Variants in DROSHA observed in about 807,000 individuals in gnomAD.
DROSHA encodes the protein ribonuclease 3.
A neutral mutation model predicts 181.9 loss-of-function variants in DROSHA; 56 were observed. That is an observed-to-expected ratio of 0.31 (90% CI 0.25 to 0.38). The LOEUF is 0.38. DROSHA is among the 10% of genes least tolerant of loss of function. The pLI, the probability that DROSHA is intolerant of heterozygous loss-of-function variation, is 1.00. For synonymous variants in DROSHA, 524 were observed against 591.2 expected, an observed-to-expected ratio of 0.89 and a Z score of 1.65; for missense variants, 1,218 against 1,743.5, an observed-to-expected ratio of 0.70 and a Z score of 5.37.
At chr5:31,479,578 C>A (rs1750779575) in intron 16 of DROSHA, among the ~76,000 whole-genome samples, 1 of 151,888 alleles carries the variant, frequency 6.6e-6, no homozygotes, top group East Asian at 1.9e-4. Flanking sequence ...AAGCTCTAAT[C>A]ATAAAGGAAT....
chr5:31,498,902 G>C lies in DROSHA; in HGVS notation c.1669-3530C>G, dbSNP rs535380022. Among the ~76,000 whole-genome samples, 50 of 152,146 alleles carry C rather than the reference G, an allele frequency of 3.3e-4. 1 individual carries two copies. Among genetic ancestry groups the C allele is most frequent in the Middle Eastern group, 6.8e-3 (2 of 294 alleles). On this transcript the variant is annotated intron_variant, in intron 11 of 35. Coordinates refer to ENST00000344624, the MANE Select transcript of DROSHA (RefSeq NM_001382508.1). ...AAGGCAAACAAAGCCAGCACAAGAA[G>C]TGTGCTGTGACAGCATCAGTTGTGA... is the stretch of plus-strand genomic sequence containing the variant.
chr5:31,413,678 C>G (rs759649417), intron 30 of DROSHA, among the ~76,000 whole-genome samples: 1 of 152,230 alleles, frequency 6.6e-6, no homozygotes, highest in Non-Finnish European at 1.5e-5. Flanking sequence ...TGCAGACCGG[C>G]TGTTGCAATG....
chr5:31,428,510 C>G (rs1004732211), intron 27 of DROSHA, among the ~76,000 whole-genome samples: 3 of 152,190 alleles, frequency 2.0e-5, no homozygotes, highest in African/African-American at 7.2e-5. Flanking sequence ...CACAGAGCAT[C>G]TGTAGATAAT....
At chr5:31,516,503 T>C (rs189934927) in intron 6 of DROSHA, among the ~76,000 whole-genome samples, 92 of 152,314 alleles carry the variant, frequency 6.0e-4, no homozygotes, top group Non-Finnish European at 9.0e-4. Flanking sequence ...AGTCTGTATG[T>C]ATATATATGT....
intron 33 of DROSHA, among the ~76,000 whole-genome samples, chr5:31,408,240 G>C (rs763908222): frequency 3.3e-5 from 5 of 152,216 alleles, no homozygotes; most frequent in Non-Finnish European, 7.3e-5. Flanking sequence ...CACACACACA[G>C]ATGTGTGTGC....
chr5:31,493,831 G>A (rs914785105), intron 12 of DROSHA, among the ~76,000 whole-genome samples: 9 of 152,050 alleles, frequency 5.9e-5, no homozygotes, highest in African/African-American at 2.2e-4. Flanking sequence ...TCCCACACAA[G>A]TTCAAAGGCC....
chr5:31,498,328 G>A (rs1481798939), intron 11 of DROSHA, among the ~76,000 whole-genome samples: 1 of 152,036 alleles, frequency 6.6e-6, no homozygotes, highest in Non-Finnish European at 1.5e-5. Context: ...TCTAGATCTA[G>A]AATCCTATGA....
chr5:31,511,302 A>G (rs1738639094), intron 8 of DROSHA, 126 bp from the exon 9 acceptor site: 2 of 949,400 alleles, frequency 2.1e-6, no homozygotes, highest in Admixed American at 5.7e-5. Context: ...CCTAAATTTA[A>G]CAAACATTTA....
intron 23 of DROSHA, among the ~76,000 whole-genome samples, chr5:31,440,250 C>T (rs1194792793): frequency 2.0e-5 from 3 of 152,198 alleles, no homozygotes; most frequent in Admixed American, 2.0e-4. Flanking sequence ...ATCCCACCCT[C>T]ATTTCCATAA....
intron 20 of DROSHA, among the ~76,000 whole-genome samples, chr5:31,452,322 C>T (rs1403185106): frequency 3.3e-5 from 5 of 152,164 alleles, no homozygotes; most frequent in African/African-American, 4.8e-5. Context: ...CCAGATATGC[C>T]ACCCTAAGTT....
chr5:31,502,781 G>T (rs1687534509), intron 11 of DROSHA, among the ~76,000 whole-genome samples: 1 of 152,224 alleles, frequency 6.6e-6, no homozygotes, highest in Admixed American at 6.5e-5. Flanking sequence ...ACCGAAAACA[G>T]ATGGCACTAC....
chr5:31,443,340 A>G (rs1277327154), intron 23 of DROSHA, among the ~76,000 whole-genome samples: 2 of 151,992 alleles, frequency 1.3e-5, no homozygotes, highest in Non-Finnish European at 2.9e-5. Flanking sequence ...CATTATATGT[A>G]GCAATGACTC....
chr5:31,512,505 G>A (rs1738805859), intron 8 of DROSHA, among the ~76,000 whole-genome samples: 1 of 152,124 alleles, frequency 6.6e-6, no homozygotes, highest in Admixed American at 6.5e-5. Context: ...GTAAGATTTG[G>A]AGAAGAGAAC....
chr5:31,515,747 G>A (rs913077055), intron 6 of DROSHA, among the ~76,000 whole-genome samples, 183 bp from the exon 7 acceptor site: 5 of 152,176 alleles, frequency 3.3e-5, no homozygotes, highest in South Asian at 2.1e-4. Flanking sequence ...ATTATAATCC[G>A]AGAGTGAACC....
intron 19 of DROSHA, among the ~76,000 whole-genome samples, chr5:31,465,624 A>G (rs1027382954): frequency 1.2e-4 from 18 of 152,222 alleles, no homozygotes; most frequent in Non-Finnish European, 2.6e-4. Context: ...ACATTGAAAT[A>G]TGATACCCAA....
intron 8 of DROSHA, among the ~76,000 whole-genome samples, chr5:31,512,285 G>A (rs958234691): frequency 6.6e-6 from 1 of 152,124 alleles, no homozygotes; most frequent in Non-Finnish European, 1.5e-5. Context: ...CCACACAGAC[G>A]ACAAAACTCA....
At chr5:31,504,291 T>G (rs1323063755) in intron 11 of DROSHA, among the ~76,000 whole-genome samples, 1 of 152,182 alleles carries the variant, frequency 6.6e-6, no homozygotes, top group African/African-American at 2.4e-5. Flanking sequence ...GAAGAATACT[T>G]GAAATGGGAA....
chr5:31,458,675 T>G (rs189648150), intron 20 of DROSHA, among the ~76,000 whole-genome samples: 5 of 152,336 alleles, frequency 3.3e-5, no homozygotes, highest in Admixed American at 3.3e-4. Flanking sequence ...TATCCTATTA[T>G]CTGTGCTGTT....
At chr5:31,422,441 C>G (rs1166743199) in intron 29 of DROSHA, among the ~76,000 whole-genome samples, 2 of 152,204 alleles carry the variant, frequency 1.3e-5, no homozygotes, top group Admixed American at 1.3e-4. Flanking sequence ...TCATCGATGG[C>G]TGCTTTGATG....
Sources: allele counts gnomAD v4.1 joint callset (sites outside exome capture counted in the v4.1 genomes callset), GRCh38; gene constraint gnomAD v4.1.1; transcripts MANE v1.5; gene names NCBI Gene and HGNC (gene_info 2026-07-23, HGNC 2026-07-21).